The following TAS2R1 variants were observed in gnomAD, a reference collection of about 807,000 sequenced individuals.
TAS2R1 encodes taste 2 receptor member 1, also known as taste receptor type 2 member 1.
For missense variants in TAS2R1, 370 were observed against 353.4 expected, an observed-to-expected ratio of 1.05 and a Z score of -0.38; for synonymous variants, 141 against 134.2, an observed-to-expected ratio of 1.05 and a Z score of -0.35.
chr5:9,868,167 G>A, the TAS2R1 span, among the ~76,000 whole-genome samples: 1 of 152,282 alleles, frequency 6.6e-6, no homozygotes, highest in East Asian at 1.9e-4. Flanking sequence ...GAAGATGGAG[G>A]TCTCTTCTCA....
At chr5:9,699,177 A>G (rs1460824394) in intron 1 of TAS2R1, among the ~76,000 whole-genome samples, 2 of 152,256 alleles carry the variant, frequency 1.3e-5, no homozygotes, top group Admixed American at 6.5e-5. Flanking sequence ...TCGTTCTCAC[A>G]GTTGCCTGCA....
At chr5:9,760,821 A>G in the TAS2R1 span, 1 of 152,230 alleles carries the variant, frequency 6.6e-6, no homozygotes, top group African/African-American at 2.4e-5. Flanking sequence ...ACACAACACT[A>G]TTTCTACAAA....
chr5:9,903,171 AGTAG>A, the TAS2R1 span, among the ~76,000 whole-genome samples: 1 of 152,030 alleles, frequency 6.6e-6, no homozygotes, highest in African/African-American at 2.4e-5. Context: ...GCTATCAAAC[AGTAG>A]GTATTATTCA....
chr5:9,891,926 A>T, the TAS2R1 span, among the ~76,000 whole-genome samples: 1 of 152,180 alleles, frequency 6.6e-6, no homozygotes, highest in Non-Finnish European at 1.5e-5. Flanking sequence ...ACCCCAGTGC[A>T]TCCTACCTAA....
At chr5:9,872,725 T>G in the TAS2R1 span, among the ~76,000 whole-genome samples, 1 of 152,222 alleles carries the variant, frequency 6.6e-6, no homozygotes, top group Non-Finnish European at 1.5e-5. Context: ...TTAGGTAGAT[T>G]AATAGTTTAA....
chr5:9,886,839 A>G, the TAS2R1 span, among the ~76,000 whole-genome samples: 1 of 152,166 alleles, frequency 6.6e-6, no homozygotes, highest in Non-Finnish European at 1.5e-5. Context: ...ATTAACCTAC[A>G]TAACCAACCT....
upstream of TAS2R1, among the ~76,000 whole-genome samples, chr5:9,632,012 G>T (rs1739881233): frequency 6.6e-6 from 1 of 152,164 alleles, no homozygotes; most frequent in Non-Finnish European, 1.5e-5. Flanking sequence ...GTAGAAAGAA[G>T]AAGAAACTTT....
chr5:9,639,777 C>A (rs1740035846), intron 2 of TAS2R1, among the ~76,000 whole-genome samples: 1 of 152,204 alleles, frequency 6.6e-6, no homozygotes, highest in Non-Finnish European at 1.5e-5. Flanking sequence ...CTGCTAACTT[C>A]AAACTTTTCT....
intron 1 of TAS2R1, among the ~76,000 whole-genome samples, chr5:9,696,390 T>C (rs1486550501): frequency 6.6e-6 from 1 of 151,936 alleles, no homozygotes; most frequent in African/African-American, 2.4e-5. Flanking sequence ...TGAAACCCTA[T>C]CTCTACTAAA....
the TAS2R1 span, among the ~76,000 whole-genome samples, chr5:9,842,312 C>CTTTTTTTTTTTTTTTTTT: frequency 1.7e-5 from 2 of 120,378 alleles, 1 homozygote; most frequent in Non-Finnish European, 3.5e-5. Context: ...GTCTTTCTTT[C>CTTTTTTTTTTTTTTTTTT]TCTCTTTTTT....
intron 1 of TAS2R1, among the ~76,000 whole-genome samples, chr5:9,699,571 G>A (rs1741434806): frequency 6.6e-6 from 1 of 151,074 alleles, no homozygotes; most frequent in South Asian, 2.1e-4. Context: ...TTTTTTTTCT[G>A]GCATCTAAAC....
At chr5:9,808,544 G>A in the TAS2R1 span, among the ~76,000 whole-genome samples, 2 of 152,052 alleles carry the variant, frequency 1.3e-5, no homozygotes, top group Admixed American at 1.3e-4. Context: ...TAATATTAAG[G>A]GTATGGCTAT....
At chr5:9,852,917 C>T in the TAS2R1 span, among the ~76,000 whole-genome samples, 1 of 152,152 alleles carries the variant, frequency 6.6e-6, no homozygotes, top group Non-Finnish European at 1.5e-5. Context: ...GAGCATGACA[C>T]TTCTCCCAGT....
chr5:9,629,213 A>T lies in TAS2R1; in HGVS notation c.820T>A (p.Ser274Thr), dbSNP rs781200605. Residue 274 changes from serine to threonine, a missense_variant, in exon 1 of 1, where the codon TCT becomes ACT. Physicochemically the swap from Ser to Thr is moderately conservative, Grantham distance 58. Coordinates refer to ENST00000382492, the MANE Select transcript of TAS2R1 (RefSeq NM_019599.3). ...GGATTTCCTAAAATTAAGATGAGAGAGTGTCCAGAAGGGTATATACCAATC... is the reference window on the plus strand; with the variant it reads ...GGATTTCCTAAAATTAAGATGAGAGTGTGTCCAGAAGGGTATATACCAATC... Reference protein sequence around the residue: ...LVIGIYPSGHSLILILGNPKL... With the variant: ...LVIGIYPSGHTLILILGNPKL... 5 of 1,602,282 alleles carry T rather than the reference A, an allele frequency of 3.1e-6. No individual in the cohort carries two copies. In the Admixed American group the frequency reaches 5.3e-5, roughly 17 times the overall value.
the TAS2R1 span, among the ~76,000 whole-genome samples, chr5:9,880,486 T>C: frequency 6.6e-6 from 1 of 152,230 alleles, no homozygotes; most frequent in East Asian, 1.9e-4. Context: ...ATCTAGACCA[T>C]GGTTTCTCAA....
the TAS2R1 span, among the ~76,000 whole-genome samples, chr5:9,885,725 C>T: frequency 4.4e-4 from 67 of 152,222 alleles, no homozygotes; most frequent in East Asian, 1.3e-3. Context: ...AGGTGAACAA[C>T]GGCCACTGAG....
At chr5:9,823,039 A>AAAAC in the TAS2R1 span, among the ~76,000 whole-genome samples, 1 of 151,354 alleles carries the variant, frequency 6.6e-6, no homozygotes, top group East Asian at 1.9e-4. Context: ...AAAAAAAAAA[A>AAAAC]ATCTTGGCTT....
chr5:9,727,943 C>T, the TAS2R1 span, among the ~76,000 whole-genome samples: 2 of 152,116 alleles, frequency 1.3e-5, no homozygotes, highest in East Asian at 3.9e-4. Context: ...GGTATGAATG[C>T]AGGGCAGTCG....
the TAS2R1 span, among the ~76,000 whole-genome samples, chr5:9,895,307 A>T: frequency 6.6e-6 from 1 of 152,236 alleles, no homozygotes; most frequent in African/African-American, 2.4e-5. Flanking sequence ...CCTGGCTTTG[A>T]TCAATAAGCT....
Sources: allele counts gnomAD v4.1 joint callset (sites outside exome capture counted in the v4.1 genomes callset), GRCh38; gene constraint gnomAD v4.1.1; transcripts MANE v1.5; gene names NCBI Gene and HGNC (gene_info 2026-07-23, HGNC 2026-07-21).